MAGI2: variants seen among roughly 807,000 people sequenced by gnomAD.
The protein encoded by MAGI2 is membrane-associated guanylate kinase, WW and PDZ domain-containing protein 2.
In MAGI2, 35 loss-of-function variants were observed where a neutral mutation model predicts 133.3. The observed-to-expected ratio is 0.26, with a 90% CI of 0.20 to 0.35. The LOEUF (loss-of-function observed/expected upper bound fraction) is 0.35, where lower values mean the gene tolerates loss of function less well. Among genes scored for constraint, MAGI2 ranks in the 10% least tolerant of loss-of-function variants. MAGI2 has a pLI of 1.00. For missense variants in MAGI2, 1,636 were observed against 1,863.4 expected, an observed-to-expected ratio of 0.88 and a Z score of 2.25; for synonymous variants, 729 against 710.6, an observed-to-expected ratio of 1.03 and a Z score of -0.41.
At chr7:79,343,897 T>C (rs1027614779) in intron 1 of MAGI2, among the ~76,000 whole-genome samples, 1 of 152,180 alleles carries the variant, frequency 6.6e-6, no homozygotes, top group African/African-American at 2.4e-5. Context: ...CATCCATGTA[T>C]CTGTATACAA....
chr7:79,418,830 T>TACACACAC (rs57172659), intron 1 of MAGI2, among the ~76,000 whole-genome samples: 12 of 137,818 alleles, frequency 8.7e-5, no homozygotes, highest in Non-Finnish European at 1.5e-4. Flanking sequence ...CCAATACACA[T>TACACACAC]ACACACACAC....
intron 1 of MAGI2, among the ~76,000 whole-genome samples, chr7:79,083,301 T>C (rs1395933541): frequency 8.6e-5 from 2 of 23,278 alleles, no homozygotes; most frequent in South Asian, 3.0e-3. Flanking sequence ...AAGTATGATG[T>C]TATTTTTTTT....
At chr7:78,911,366 A>C (rs773413907) in intron 2 of MAGI2, among the ~76,000 whole-genome samples, 9 of 152,324 alleles carry the variant, frequency 5.9e-5, no homozygotes, top group Non-Finnish European at 7.3e-5. Flanking sequence ...AGGTATTAAG[A>C]AGTGAGGCCT....
At chr7:78,353,461 C>T (rs1791731272) in intron 7 of MAGI2, among the ~76,000 whole-genome samples, 2 of 152,162 alleles carry the variant, frequency 1.3e-5, no homozygotes, top group Admixed American at 1.3e-4. Flanking sequence ...TAAGGAGTTT[C>T]CTGGGATGTG....
chr7:78,806,983 C>T (rs934875774), intron 2 of MAGI2, among the ~76,000 whole-genome samples: 13 of 151,862 alleles, frequency 8.6e-5, no homozygotes, highest in Admixed American at 8.5e-4. Flanking sequence ...AGTAAAGTAT[C>T]ATTAAGAAGG....
At chr7:78,469,949 T>C (rs894160098) in intron 6 of MAGI2, among the ~76,000 whole-genome samples, 2 of 152,130 alleles carry the variant, frequency 1.3e-5, no homozygotes, top group African/African-American at 4.8e-5. Context: ...CAAGGAATAG[T>C]CAATAAATCT....
intron 6 of MAGI2, among the ~76,000 whole-genome samples, chr7:78,398,124 G>A (rs1796526835): frequency 6.6e-6 from 1 of 152,080 alleles, no homozygotes; most frequent in African/African-American, 2.4e-5. Context: ...TCTACATGCT[G>A]TAATCAGCTA....
At chr7:79,290,555 A>G (rs771443228) in intron 1 of MAGI2, among the ~76,000 whole-genome samples, 10 of 151,800 alleles carry the variant, frequency 6.6e-5, no homozygotes, top group Non-Finnish European at 8.8e-5. Flanking sequence ...TTCACCTCAA[A>G]TTTGCTTTCC....
At chr7:78,455,748 T>C (rs1165733437) in intron 6 of MAGI2, among the ~76,000 whole-genome samples, 1 of 152,176 alleles carries the variant, frequency 6.6e-6, no homozygotes, top group Non-Finnish European at 1.5e-5. Flanking sequence ...GATGTTAGTC[T>C]GGCTTCTAAG....
At chr7:78,815,784 A>AT (rs1474374035) in intron 2 of MAGI2, among the ~76,000 whole-genome samples, 1 of 152,156 alleles carries the variant, frequency 6.6e-6, no homozygotes, top group Non-Finnish European at 1.5e-5. Flanking sequence ...TGCTCCACCA[A>AT]ATAGCTGTTC....
chr7:78,487,096 A>G (rs959994005), intron 6 of MAGI2: 4 of 361,350 alleles, frequency 1.1e-5, no homozygotes, highest in Admixed American at 6.1e-5. Context: ...TCTCCTGTGT[A>G]TCACACTTAA....
At chr7:78,171,901 GTTTTT>G (rs11294809) in intron 14 of MAGI2, among the ~76,000 whole-genome samples, 1 of 151,122 alleles carries the variant, frequency 6.6e-6, no homozygotes, top group Non-Finnish European at 1.5e-5. Context: ...TTGTTTGTTT[GTTTTT>G]TTTTCCCTAT....
intron 10 of MAGI2, among the ~76,000 whole-genome samples, chr7:78,213,775 G>T (rs1788000931): frequency 6.6e-6 from 1 of 152,208 alleles, no homozygotes; most frequent in Admixed American, 6.5e-5. Context: ...CAGTGTTGGG[G>T]TGTCTATGAA....
At chr7:78,742,153 C>T (rs1211820608) in intron 2 of MAGI2, among the ~76,000 whole-genome samples, 2 of 152,026 alleles carry the variant, frequency 1.3e-5, no homozygotes, top group Non-Finnish European at 2.9e-5. Flanking sequence ...GAAATAAATA[C>T]ATAATATAAA....
At chr7:79,074,170 C>T (rs1208890304) in intron 1 of MAGI2, among the ~76,000 whole-genome samples, 2 of 152,120 alleles carry the variant, frequency 1.3e-5, no homozygotes, top group Admixed American at 6.5e-5. Context: ...ATACACTGAA[C>T]GTTCAACAGC....
intron 3 of MAGI2, among the ~76,000 whole-genome samples, chr7:78,555,142 A>G (rs1799679776): frequency 1.0e-5 from 1 of 96,986 alleles, no homozygotes; most frequent in Non-Finnish European, 2.6e-5. Context: ...AGAAATAAAT[A>G]AATAAATAAA....
intron 6 of MAGI2, among the ~76,000 whole-genome samples, chr7:78,429,615 A>G (rs980688150): frequency 2.6e-5 from 4 of 151,952 alleles, no homozygotes; most frequent in Non-Finnish European, 4.4e-5. Flanking sequence ...CTATACTACT[A>G]TTTTCTTAGT....
chr7:78,451,818 G>A (rs931038675), intron 6 of MAGI2, among the ~76,000 whole-genome samples: 2 of 152,168 alleles, frequency 1.3e-5, no homozygotes, highest in African/African-American at 4.8e-5. Flanking sequence ...AATATATGTT[G>A]TATCATTCAA....
At chr7:78,825,605 A>T (rs561303010) in intron 2 of MAGI2, among the ~76,000 whole-genome samples, 90 of 152,288 alleles carry the variant, frequency 5.9e-4, no homozygotes, top group Middle Eastern at 3.4e-3. Flanking sequence ...TAGTTTTTTT[A>T]AAAAAAGTGA....
Sources: gnomAD v4.1 joint callset for allele counts (sites outside exome capture counted in the v4.1 genomes callset) on GRCh38, gnomAD v4.1.1 for gene constraint, MANE v1.5 for transcripts, NCBI Gene and HGNC (gene_info 2026-07-23, HGNC 2026-07-21) for gene names.